Variants in ITPR1 observed in about 807,000 individuals in gnomAD.
ITPR1 encodes inositol 1,4,5-trisphosphate receptor type 1, also known as inositol 1,4,5-trisphosphate-gated calcium channel ITPR1.
A neutral mutation model predicts 318.4 loss-of-function variants in ITPR1; 96 were observed. The observed-to-expected ratio is 0.30, with a 90% confidence interval of 0.26 to 0.36. The LOEUF (loss-of-function observed/expected upper bound fraction) is 0.36. Ranked by LOEUF, ITPR1 falls within the 10% of genes least tolerant of loss-of-function variation. The pLI, the probability that ITPR1 is intolerant of heterozygous loss-of-function variation, is 1.00. For synonymous variants in ITPR1, 1,312 were observed against 1,289.9 expected (o/e 1.02, Z -0.37); for missense variants, 2,440 against 3,460.2 (o/e 0.71, Z 7.40).
chr3:4,508,792 C>A (rs541106297), intron 2 of ITPR1, among the ~76,000 whole-genome samples: 1 of 152,080 alleles, frequency 6.6e-6, no homozygotes, highest in Non-Finnish European at 1.5e-5. Flanking sequence ...TGTTAGAAGG[C>A]GGGGGAGTTG....
chr3:4,516,612 C>G lies in ITPR1; in HGVS notation c.92+29C>G, dbSNP rs73807272. On this transcript the variant is annotated intron_variant, in intron 3 of 61. Coordinates refer to ENST00000649015, the MANE Select transcript of ITPR1 (RefSeq NM_001378452.1). ...AGAGCATGCAATTTCTTGTGTGGCACGGTTTGTTTAAGACATCATAACATC... is the reference window on the plus strand; with the variant it reads ...AGAGCATGCAATTTCTTGTGTGGCAGGGTTTGTTTAAGACATCATAACATC... 4.5e-3 allele frequency: 6,215 copies of G among 1,393,352 alleles called. 219 individuals carry two copies. In the African/African-American group the frequency reaches 0.076, roughly 17 times the overall value. 86.3% of individuals were successfully genotyped at this position (1,393,352 alleles called of 1,614,324 possible).
At chr3:4,689,776 T>C (rs2094452183) in intron 31 of ITPR1, among the ~76,000 whole-genome samples, 1 of 152,226 alleles carries the variant, frequency 6.6e-6, no homozygotes, top group Non-Finnish European at 1.5e-5. Flanking sequence ...CAAAATTTTC[T>C]TACAAGGCAT....
chr3:4,562,550 A>T (rs2086788167), intron 4 of ITPR1, among the ~76,000 whole-genome samples: 1 of 152,160 alleles, frequency 6.6e-6, no homozygotes, highest in Non-Finnish European at 1.5e-5. Context: ...CAAATTGTTT[A>T]TAGTAGGGAT....
intron 44 of ITPR1, among the ~76,000 whole-genome samples, chr3:4,762,313 T>C (rs1246525934): frequency 1.3e-5 from 2 of 152,230 alleles, no homozygotes; most frequent in Non-Finnish European, 2.9e-5. Flanking sequence ...GAGTGTTAGC[T>C]ATCGTGTTAC....
chr3:4,644,071 C>A (rs1028346643), intron 7 of ITPR1, 65 bp from the exon 8 acceptor site: 3 of 1,027,972 alleles, frequency 2.9e-6, no homozygotes. Flanking sequence ...TCTAGAACTG[C>A]CCAGTGGTCA....
chr3:4,693,813 CATG>C (rs1482980162), intron 33 of ITPR1, 72 bp downstream of exon 33: 9 of 1,505,640 alleles, frequency 6.0e-6, no homozygotes, highest in South Asian at 1.3e-5. Flanking sequence ...CACTGGGAGA[CATG>C]GTGGTGGCTG....
chr3:4,780,069 T>C (rs970123978), intron 49 of ITPR1, among the ~76,000 whole-genome samples: 9 of 151,940 alleles, frequency 5.9e-5, no homozygotes, highest in African/African-American at 2.2e-4. Context: ...TCTGCCTGTT[T>C]TGCTGTGTTA....
Position 4,674,353 on chromosome 3 carries a change from G to C in ITPR1, c.2598+10G>C, listed in dbSNP as rs1174264084. ...TAAGCTTACGTTTGAGGTAACTCAT[G>C]ATGAAATCTTCTATGTGTATTATCT... On this transcript the variant is annotated intron_variant, in intron 22 of 61. Transcript: ENST00000649015. The C allele has an allele frequency of 6.2e-7, 1 of 1,600,764 alleles. No homozygotes were observed.
rs553031476 is a variant in ITPR1 at position 4,832,313 on chromosome 3, G to A, written c.8029-4461G>A. Among the ~76,000 whole-genome samples, 16 of 152,342 alleles carry A rather than the reference G, an allele frequency of 1.1e-4. No individual in the cohort carries two copies. The South Asian group carries it at 3.3e-3, about 32-fold the overall frequency. On this transcript the variant is annotated intron_variant, in intron 60 of 61. Transcript: ENST00000649015. The stretch of plus-strand genomic sequence containing the variant: ...CATTGAAGGCCTCCTGTGAAATGGA[G>A]AATGAGGCTTTATCCCTAGGATGGG...
chr3:4,496,250 C>T (rs888283968), intron 2 of ITPR1, among the ~76,000 whole-genome samples: 1 of 152,142 alleles, frequency 6.6e-6, no homozygotes, highest in South Asian at 2.1e-4. Flanking sequence ...TTTTCATATA[C>T]CTTCCAGTTT....
intron 5 of ITPR1, among the ~76,000 whole-genome samples, chr3:4,634,141 C>G (rs1023475258): frequency 3.3e-5 from 5 of 151,674 alleles, no homozygotes; most frequent in African/African-American, 1.2e-4. Flanking sequence ...ACCCATTATT[C>G]AAGGGAAAAG....
intron 61 of ITPR1, among the ~76,000 whole-genome samples, chr3:4,838,999 A>G (rs2051135509): frequency 6.6e-6 from 1 of 152,190 alleles, no homozygotes; most frequent in African/African-American, 2.4e-5. Context: ...AGCCTCATCA[A>G]AGGAGTGAGT....
chr3:4,681,239 A>G (rs2094292440), intron 25 of ITPR1, 125 bp from the exon 26 acceptor site: 6 of 686,754 alleles, frequency 8.7e-6, no homozygotes, highest in East Asian at 2.7e-5. Flanking sequence ...TAGCTTTGCA[A>G]TATAATGTTC....
chr3:4,613,839 C>T (rs1012417674), intron 4 of ITPR1, among the ~76,000 whole-genome samples: 1 of 152,012 alleles, frequency 6.6e-6, no homozygotes, highest in African/African-American at 2.4e-5. Flanking sequence ...CATATATGCA[C>T]ACGCCTTAAA....
intron 4 of ITPR1, among the ~76,000 whole-genome samples, chr3:4,614,523 C>T (rs1419074907): frequency 1.3e-5 from 2 of 152,170 alleles, no homozygotes; most frequent in East Asian, 3.8e-4. Context: ...TCTTTATAGT[C>T]AGGAAACTAA....
intron 17 of ITPR1, among the ~76,000 whole-genome samples, chr3:4,666,169 G>A (rs754998829): frequency 1.7e-4 from 26 of 152,184 alleles, no homozygotes; most frequent in Non-Finnish European, 3.7e-4. Flanking sequence ...CACTTTATGT[G>A]AACTATCCCT....
chr3:4,766,157 T>C (rs953154918), intron 44 of ITPR1, among the ~76,000 whole-genome samples: 3 of 152,224 alleles, frequency 2.0e-5, no homozygotes, highest in Admixed American at 6.5e-5. Flanking sequence ...CTTAAACAAA[T>C]GATTGGCCCT....
At chr3:4,692,161 AAGAG>A (rs1178870941) in intron 32 of ITPR1, among the ~76,000 whole-genome samples, 1 of 151,596 alleles carries the variant, frequency 6.6e-6, no homozygotes, top group African/African-American at 2.4e-5. Context: ...AAATAAAAAA[AAGAG>A]AGAGTCGGCT....
intron 61 of ITPR1, among the ~76,000 whole-genome samples, chr3:4,837,951 A>G (rs1293180524): frequency 6.6e-6 from 1 of 152,216 alleles, no homozygotes; most frequent in Non-Finnish European, 1.5e-5. Context: ...GGCATGGGCC[A>G]TGTCTGCACT....
Sources: gnomAD v4.1 joint callset for allele counts (sites outside exome capture counted in the v4.1 genomes callset) on GRCh38, gnomAD v4.1.1 for gene constraint, MANE v1.5 for transcripts, NCBI Gene and HGNC (gene_info 2026-07-23, HGNC 2026-07-21) for gene names.